Variants in PACRG observed in about 807,000 individuals in gnomAD.
The protein encoded by PACRG is parkin coregulated, also known as parkin coregulated gene protein.
Under a neutral mutation model 29.7 loss-of-function variants are expected in PACRG, and 29 were observed. The ratio of observed to expected loss-of-function variants is 0.98; its 90% confidence interval spans 0.73 to 1.33. The LOEUF is 1.33. Ranked by LOEUF, PACRG falls within the 40% of genes most tolerant of loss-of-function variation. The pLI is 0.00. For missense variants in PACRG, 279 were observed against 316.2 expected, an observed-to-expected ratio of 0.88 and a Z score of 0.89; for synonymous variants, 116 against 118.7, an observed-to-expected ratio of 0.98 and a Z score of 0.15.
intron 4 of PACRG, among the ~76,000 whole-genome samples, chr6:163,119,833 T>G (rs1316579152): frequency 2.6e-5 from 4 of 152,110 alleles, no homozygotes; most frequent in African/African-American, 9.7e-5. Flanking sequence ...TTTATGTATT[T>G]TTGTTGTTGT....
intron 1 of PACRG, among the ~76,000 whole-genome samples, chr6:162,755,180 CT>C (rs1014911342): frequency 2.0e-5 from 3 of 151,834 alleles, no homozygotes; most frequent in Admixed American, 6.6e-5. Flanking sequence ...AGAAAGCTTT[CT>C]TTTTTTTCTA....
intron 1 of PACRG, among the ~76,000 whole-genome samples, chr6:162,759,666 G>A (rs73601951): frequency 0.045 from 6,770 of 152,090 alleles, 513 homozygotes; most frequent in African/African-American, 0.15. Flanking sequence ...ATGTGTATTC[G>A]TTGGCTATAT....
chr6:162,922,007 T>G (rs1331483419), intron 2 of PACRG, among the ~76,000 whole-genome samples: 1 of 152,036 alleles, frequency 6.6e-6, no homozygotes, highest in Non-Finnish European at 1.5e-5. Context: ...CATTTTTCCT[T>G]GTCTAGTTTT....
intron 2 of PACRG, among the ~76,000 whole-genome samples, chr6:162,909,240 C>T (rs915969293): frequency 5.9e-5 from 9 of 152,014 alleles, no homozygotes; most frequent in East Asian, 1.9e-4. Flanking sequence ...CCTTCCATAC[C>T]GTTGTCTTTA....
chr6:162,942,206 A>T (rs889825469), intron 2 of PACRG, among the ~76,000 whole-genome samples: 1 of 152,232 alleles, frequency 6.6e-6, no homozygotes, highest in Non-Finnish European at 1.5e-5. Flanking sequence ...AGTTTCTTTA[A>T]TCAGGGTTAG....
Position 162,897,726 on chromosome 6 carries a change from T to A in PACRG, c.291+83445T>A, listed in dbSNP as rs563281909. 2.5e-4 allele frequency among the ~76,000 whole-genome samples: 38 copies of A among 152,358 alleles called. 1 individual carries two copies. In the South Asian group the frequency reaches 5.2e-3, roughly 21 times the overall value. ...TGTGTATCTGTTATCAGGGAATTTC[T>A]TCATTTCACGCTGAGCACCAGTGCT... On this transcript the variant is annotated intron_variant, in intron 2 of 4. Transcript: ENST00000366888.
intron 2 of PACRG, among the ~76,000 whole-genome samples, chr6:162,902,187 A>G (rs1795608436): frequency 6.6e-6 from 1 of 152,242 alleles, no homozygotes; most frequent in African/African-American, 2.4e-5. Context: ...TTTTCAGAAT[A>G]TTTTAGAAAT....
intron 2 of PACRG, among the ~76,000 whole-genome samples, chr6:162,933,406 T>C (rs1797995122): frequency 6.6e-6 from 1 of 152,184 alleles, no homozygotes; most frequent in South Asian, 2.1e-4. Context: ...ATTTTCTGTC[T>C]AGATGATTTT....
intron 1 of PACRG, among the ~76,000 whole-genome samples, chr6:162,806,672 A>G (rs1305990350): frequency 6.6e-6 from 1 of 152,184 alleles, no homozygotes; most frequent in Non-Finnish European, 1.5e-5. Context: ...ATGTGTTGTC[A>G]TCCAGGCTTT....
intron 2 of PACRG, among the ~76,000 whole-genome samples, chr6:162,863,418 T>C (rs1265473673): frequency 6.6e-6 from 1 of 152,234 alleles, no homozygotes; most frequent in Non-Finnish European, 1.5e-5. Flanking sequence ...TCAGAACACC[T>C]TGTTACTATT....
At chr6:163,020,057 A>G (rs1806467598) in intron 2 of PACRG, among the ~76,000 whole-genome samples, 2 of 152,212 alleles carry the variant, frequency 1.3e-5, no homozygotes, top group African/African-American at 4.8e-5. Context: ...TCCTAATTAC[A>G]GGAAATAATT....
At chr6:162,951,389 C>G (rs1255733742) in intron 2 of PACRG, among the ~76,000 whole-genome samples, 1 of 152,244 alleles carries the variant, frequency 6.6e-6, no homozygotes, top group Non-Finnish European at 1.5e-5. Context: ...CAGATTGACA[C>G]AGGCAGGAAG....
chr6:162,807,710 A>G (rs71567673), intron 1 of PACRG, among the ~76,000 whole-genome samples: 13,102 of 152,160 alleles, frequency 0.086, 909 homozygotes, highest in South Asian at 0.24. Flanking sequence ...TTGAAATAGT[A>G]CCAGGATTAC....
chr6:163,129,766 C>A (rs554566936), intron 4 of PACRG, among the ~76,000 whole-genome samples: 1 of 150,380 alleles, frequency 6.6e-6, no homozygotes, highest in African/African-American at 2.5e-5. Flanking sequence ...TTCCTTCCTA[C>A]CTCACACTCA....
At chr6:162,814,056 A>C (rs1787108728) in intron 1 of PACRG, 91 bp from the exon 2 acceptor site, 1 of 1,356,000 alleles carries the variant, frequency 7.4e-7, no homozygotes, top group Middle Eastern at 2.0e-4. Context: ...ATTTATACAA[A>C]CTGAAATCTT....
At chr6:163,223,683 A>G (rs1412148426) in intron 4 of PACRG, among the ~76,000 whole-genome samples, 1 of 152,258 alleles carries the variant, frequency 6.6e-6, no homozygotes, top group Non-Finnish European at 1.5e-5. Context: ...GAAAGTGGTC[A>G]GAAAAGGCTT....
intron 3 of PACRG, among the ~76,000 whole-genome samples, chr6:163,073,102 A>G (rs1363995124): frequency 6.6e-6 from 1 of 152,184 alleles, no homozygotes; most frequent in Non-Finnish European, 1.5e-5. Context: ...GAAAAAAACA[A>G]TTTTAAATTT....
chr6:163,179,578 T>C (rs949847150), intron 4 of PACRG, among the ~76,000 whole-genome samples: 1 of 151,978 alleles, frequency 6.6e-6, no homozygotes, highest in Non-Finnish European at 1.5e-5. Flanking sequence ...TGTTGGCACG[T>C]GCCTGTAGTC....
At chr6:162,980,415 GA>G (rs2128171103) in intron 2 of PACRG, among the ~76,000 whole-genome samples, 1 of 152,152 alleles carries the variant, frequency 6.6e-6, no homozygotes, top group African/African-American at 2.4e-5. Flanking sequence ...CATATATTAA[GA>G]AAAAATGTTA....
Sources: allele counts gnomAD v4.1 joint callset (sites outside exome capture counted in the v4.1 genomes callset), GRCh38; gene constraint gnomAD v4.1.1; transcripts MANE v1.5; gene names NCBI Gene and HGNC (gene_info 2026-07-23, HGNC 2026-07-21).